GABRA4: variants seen among roughly 807,000 people sequenced by gnomAD.
GABRA4 encodes gamma-aminobutyric acid type A receptor subunit alpha4.
A neutral mutation model predicts 49.7 loss-of-function variants in GABRA4; 12 were observed. The observed-to-expected ratio is 0.24, with a 90% CI of 0.15 to 0.39. The LOEUF is 0.39. Ranked by LOEUF, GABRA4 falls within the 10% of genes least tolerant of loss-of-function variation. GABRA4 has a pLI of 1.00. For missense variants in GABRA4, 506 were observed against 686.0 expected, an observed-to-expected ratio of 0.74 and a Z score of 2.93; for synonymous variants, 288 against 240.2, an observed-to-expected ratio of 1.20 and a Z score of -1.84.
chr4:46,982,443 C>A (rs1577793361), intron 2 of GABRA4, among the ~76,000 whole-genome samples: 1 of 151,940 alleles, frequency 6.6e-6, no homozygotes, highest in East Asian at 2.0e-4. Context: ...CATCTATAAG[C>A]CAAGGAGAGA....
intron 8 of GABRA4, among the ~76,000 whole-genome samples, chr4:46,929,140 T>C (rs1577740768): frequency 6.6e-6 from 1 of 151,996 alleles, no homozygotes; most frequent in African/African-American, 2.4e-5. Flanking sequence ...ATATGTCATA[T>C]ACATTTCAAA....
rs1296071881 is a variant in GABRA4, at chr4:46,919,594, GT to G, written c.*8630del. Reference sequence around the variant, plus strand: ...ATGATATGAGGAAATATGCATTATTGTTTTTTTACTTCTATAATAAGGAATA... The same window carrying G: ...ATGATATGAGGAAATATGCATTATTGTTTTTTACTTCTATAATAAGGAATA... On this transcript the variant is annotated 3_prime_UTR_variant, in exon 9 of 9. Coordinates refer to ENST00000264318, the MANE Select transcript of GABRA4 (RefSeq NM_000809.4). 1.3e-4 allele frequency: 19 copies of G among 151,422 alleles called. No individual in the cohort carries two copies. The highest frequency in any genetic ancestry group is 4.2e-4 in the South Asian group (2 of 4,808). The allele number at this position is 151,422 out of a possible 1,614,324, so 9.4% of individuals were successfully genotyped here.
intron 2 of GABRA4, among the ~76,000 whole-genome samples, chr4:46,988,939 C>A (rs1405723265): frequency 6.6e-6 from 1 of 152,190 alleles, no homozygotes; most frequent in Non-Finnish European, 1.5e-5. Flanking sequence ...TCTTTTCTAA[C>A]AGAATGATGA....
rs1721044262 is a variant in GABRA4 at position 46,921,773 on chromosome 4, AT to A, written c.*6451del. On this transcript the variant is annotated 3_prime_UTR_variant, in exon 9 of 9. Coordinates refer to ENST00000264318, the MANE Select transcript of GABRA4 (RefSeq NM_000809.4). Reference sequence around the variant, plus strand: ...TCCCCACCTAAGACAGTCTCCAAAAATAACATAATGAAAAATTGAGAAAAAA... The same window carrying A: ...TCCCCACCTAAGACAGTCTCCAAAAAAACATAATGAAAAATTGAGAAAAAA... 1 of 152,148 alleles carries A rather than the reference AT, an allele frequency of 6.6e-6. No individual in the cohort carries two copies. Among genetic ancestry groups the A allele is most frequent in the South Asian group, 2.1e-4 (1 of 4,838 alleles). 9.4% of individuals were successfully genotyped at this position (152,148 alleles called of 1,614,324 possible).
intron 2 of GABRA4, among the ~76,000 whole-genome samples, chr4:46,981,061 C>A (rs73813761): frequency 0.11 from 16,167 of 152,008 alleles, 944 homozygotes; most frequent in South Asian, 0.19. Flanking sequence ...ACTCCACACC[C>A]TGATACGCTG....
Position 46,965,238 on chromosome 4 carries a change from C to A in GABRA4, c.875-9G>T. 7.0e-7 allele frequency: 1 copy of A among 1,426,840 alleles called. No individual in the cohort carries two copies. The highest frequency in any genetic ancestry group is 9.3e-7 in the Non-Finnish European group (1 of 1,080,984). The allele number at this position is 1,426,840 out of a possible 1,614,324, so 88.4% of individuals were successfully genotyped here. A position where few individuals can be genotyped will look rare whatever the true frequency, so the allele number is the denominator to read the frequency against. On this transcript the variant is annotated splice_polypyrimidine_tract_variant and intron_variant, in intron 7 of 8. Transcript: ENST00000264318. ...GAGGACAGTTGTTATTCCTTCAAAG[C>A]AAAAGAGCAGAGAGACAAAACACCT...
At chr4:46,973,407 C>T (rs1269012766) in intron 6 of GABRA4, among the ~76,000 whole-genome samples, 3 of 151,736 alleles carry the variant, frequency 2.0e-5, no homozygotes, top group East Asian at 1.9e-4. Flanking sequence ...ATAGAAGGTA[C>T]TATTCTGTGA....
rs1385578201 is a variant in GABRA4, at chr4:46,993,331, G to T, written c.86+8C>A. 7 of 1,613,474 alleles carry T rather than the reference G, an allele frequency of 4.3e-6. No homozygotes were observed. The highest frequency in any genetic ancestry group is 1.7e-5 in the Admixed American group (1 of 59,990). On this transcript the variant is annotated splice_region_variant and intron_variant, in intron 1 of 8. Transcript: ENST00000264318. ...GTTGCCCACCTCCTCGCACCCCAGA[G>T]AACTCACCAAACCGCCAGGCACAGG... is the stretch of plus-strand genomic sequence containing the variant.
In GABRA4 at chr4:46,965,109, G is replaced by A; in HGVS notation, c.995C>T (p.Ser332Leu). The change falls in exon 8 of 9, where the codon TCG (serine) becomes TTG (leucine). Residue 332 changes from serine (S) to leucine (L), a missense_variant. Ser to Leu is a moderately radical substitution (Grantham distance 145, BLOSUM62 -2). Coordinates refer to ENST00000264318, the MANE Select transcript of GABRA4 (RefSeq NM_000809.4). The part of the protein sequence containing the change: ...FIAVCFAFVF[S>L]ALIEFAAVNY... Reference sequence around the variant, plus strand: ...GACAGCAGCAAACTCGATAAGGGCCGAAAATACAAAAGCAAAGCAGACAGC... The same window carrying A: ...GACAGCAGCAAACTCGATAAGGGCCAAAAATACAAAAGCAAAGCAGACAGC... 6.2e-7 allele frequency: 1 copy of A among 1,612,118 alleles called. No individual in the cohort carries two copies. The highest frequency in any genetic ancestry group is 8.5e-7 in the Non-Finnish European group (1 of 1,178,824).
At chr4:46,971,844 A>G (rs1722958581) in intron 6 of GABRA4, among the ~76,000 whole-genome samples, 1 of 150,636 alleles carries the variant, frequency 6.6e-6, no homozygotes. Context: ...ATAGACGTGT[A>G]TAACATACAG....
At chr4:46,958,956 T>A (rs1722464987) in intron 8 of GABRA4, among the ~76,000 whole-genome samples, 1 of 151,980 alleles carries the variant, frequency 6.6e-6, no homozygotes, top group Non-Finnish European at 1.5e-5. Flanking sequence ...ATCATTTGAA[T>A]AAGTAAATAG....
At chr4:46,985,963 G>T (rs897173323) in intron 2 of GABRA4, among the ~76,000 whole-genome samples, 4 of 151,560 alleles carry the variant, frequency 2.6e-5, no homozygotes, top group African/African-American at 9.7e-5. Flanking sequence ...ACATGTTATG[G>T]TCTAATCTTG....
rs894872428 is a variant in GABRA4, at chr4:46,970,798, C to T, written c.874+285G>A. On this transcript the variant is annotated intron_variant, in intron 7 of 8. Coordinates refer to ENST00000264318, the MANE Select transcript of GABRA4 (RefSeq NM_000809.4). ...ATTACACAGCATTATACTAGGAGCC[C>T]AAGAATATCACTGAAAGTGAGATTA... Among the ~76,000 whole-genome samples the T allele has an allele frequency of 7.9e-5, 12 of 151,408 alleles. No individual in the cohort carries two copies. In the Admixed American group the frequency reaches 7.9e-4, roughly 10 times the overall value.
At position 46,977,452 on chromosome 4, in the gene GABRA4, A is replaced by G; in HGVS notation, c.452T>C (p.Leu151Pro). The G allele has an allele frequency of 6.2e-7, 1 of 1,607,456 alleles. No individual in the cohort carries two copies. Among genetic ancestry groups the G allele is most frequent in the Non-Finnish European group, 8.5e-7 (1 of 1,175,216 alleles). The part of the protein sequence containing the change: ...VSHNMTAPNK[L>P]FRIMRNGTIL... ...AGTACCATTTCTCATAATTCTAAAA[A>G]GCTTATTTGGAGCTGTCATATTATG... The change falls in exon 4 of 9, where the codon CTT (leucine) becomes CCT (proline). Residue 151 changes from leucine (L) to proline (P), a missense_variant. By Grantham distance (98) the Leu-to-Pro change is moderately conservative. This residue lies in a region of GABRA4 where 195 missense variants were observed against 326.0 expected (regional missense o/e 0.60). Coordinates refer to ENST00000264318, the MANE Select transcript of GABRA4 (RefSeq NM_000809.4).
At chr4:46,935,351 T>G (rs183132607) in intron 8 of GABRA4, among the ~76,000 whole-genome samples, 1 of 152,258 alleles carries the variant, frequency 6.6e-6, no homozygotes, top group Non-Finnish European at 1.5e-5. Flanking sequence ...AATAAATATA[T>G]AAGATAATGC....
Position 46,944,489 on chromosome 4 carries a change from A to T in GABRA4, c.1135-15734T>A, listed in dbSNP as rs540890906. Among the ~76,000 whole-genome samples the T allele has an allele frequency of 3.3e-5, 5 of 152,162 alleles. No homozygotes were observed. The South Asian group carries it at 6.2e-4, about 19-fold the overall frequency. On this transcript the variant is annotated intron_variant, in intron 8 of 8. Coordinates refer to ENST00000264318, the MANE Select transcript of GABRA4 (RefSeq NM_000809.4). ...CACAGTGCTTCTTGAGAACACCTTA[A>T]AAATAAATTGCTTGCACACATCCTT... is the stretch of plus-strand genomic sequence containing the variant.
At chr4:46,992,981 A>C in intron 1 of GABRA4, 35 bp from the exon 2 acceptor site, 1 of 1,457,862 alleles carries the variant, frequency 6.9e-7, no homozygotes, top group Non-Finnish European at 9.6e-7. Context: ...GGGGCGGAGG[A>C]GATTATTTTA....
chr4:46,991,910 C>T (rs1364442651), intron 2 of GABRA4, among the ~76,000 whole-genome samples: 1 of 152,200 alleles, frequency 6.6e-6, no homozygotes, highest in African/African-American at 2.4e-5. Context: ...AATCTCTATC[C>T]TGTTCAACTC....
intron 8 of GABRA4, among the ~76,000 whole-genome samples, chr4:46,964,078 C>T (rs531288369): frequency 4.6e-5 from 7 of 151,830 alleles, no homozygotes; most frequent in African/African-American, 1.7e-4. Flanking sequence ...ACTATTCAGC[C>T]ATAAAAAAGA....
Sources: gnomAD v4.1 joint callset for allele counts (sites outside exome capture counted in the v4.1 genomes callset) on GRCh38, gnomAD v4.1.1 for gene constraint, gnomAD v4.1.1 regional missense constraint, MANE v1.5 for transcripts, NCBI Gene and HGNC (gene_info 2026-07-23, HGNC 2026-07-21) for gene names.